TMEFF2: variants seen among roughly 807,000 people sequenced by gnomAD.
TMEFF2 encodes the protein tomoregulin-2.
Under a neutral mutation model 53.8 loss-of-function variants are expected in TMEFF2, and 28 were observed. That is an observed-to-expected ratio of 0.52 (90% CI 0.39 to 0.71). The LOEUF (loss-of-function observed/expected upper bound fraction) is 0.71. Ranked by LOEUF, TMEFF2 falls within the 30% of genes least tolerant of loss-of-function variation. The probability of loss-of-function intolerance (pLI) is 0.00; values close to 1 mark genes in which losing one functional copy is unlikely to be tolerated. For synonymous variants in TMEFF2, 162 were observed against 166.3 expected (o/e 0.97, Z 0.20); for missense variants, 353 against 455.2 (o/e 0.78, Z 2.04).
chr2:192,111,203 G>C (rs2356950), intron 4 of TMEFF2, among the ~76,000 whole-genome samples: 148,336 of 152,232 alleles, frequency 0.97, 72,346 homozygotes, highest in Non-Finnish European at 0.99. Flanking sequence ...AGGTTGGAAC[G>C]GTTTGGAGGG....
chr2:192,001,381 T>C (rs974503609), intron 5 of TMEFF2, among the ~76,000 whole-genome samples: 1 of 152,074 alleles, frequency 6.6e-6, no homozygotes, highest in African/African-American at 2.4e-5. Context: ...TATTTATGTT[T>C]TTGTAAATGT....
chr2:192,066,835 C>A (rs1378769439), intron 4 of TMEFF2, among the ~76,000 whole-genome samples: 1 of 151,780 alleles, frequency 6.6e-6, no homozygotes, highest in Non-Finnish European at 1.5e-5. Context: ...GAAAATATAT[C>A]ATATCAACTA....
intron 5 of TMEFF2, among the ~76,000 whole-genome samples, chr2:192,014,070 T>C (rs1686693879): frequency 6.6e-6 from 1 of 152,246 alleles, no homozygotes; most frequent in African/African-American, 2.4e-5. Flanking sequence ...TATTTGTTAA[T>C]TTTTGTTAAA....
chr2:191,964,370 TTCTCTTTCTTTCTTTCTTTCTTTCTTTC>T lies in TMEFF2; in HGVS notation c.746-8020_746-7993del, dbSNP rs1225946255. Among the ~76,000 whole-genome samples, 169 of 74,884 alleles carry T rather than the reference TTCTCTTTCTTTCTTTCTTTCTTTCTTTC, an allele frequency of 2.3e-3. 4 individuals are homozygous for T. Among genetic ancestry groups the T allele is most frequent in the East Asian group, 5.1e-3 (12 of 2,360 alleles). 49.1% of individuals were successfully genotyped at this position (74,884 alleles called of 152,430 possible). On this transcript the variant is annotated intron_variant, in intron 7 of 9. Coordinates refer to ENST00000272771, the MANE Select transcript of TMEFF2 (RefSeq NM_016192.4). ...TTTCTTTCTTTCTTTCTTTCTTTCT[TTCTCTTTCTTTCTTTCTTTCTTTCTTTC>T]TCTTTCTTTCTTTCTTTCTTTCTTT...
intron 5 of TMEFF2, among the ~76,000 whole-genome samples, chr2:192,012,182 C>CGTGA (rs1469034225): frequency 1.4e-4 from 22 of 152,324 alleles, no homozygotes; most frequent in Middle Eastern, 3.4e-3. Context: ...GGATTACAGG[C>CGTGA]GTGAGCCACT....
intron 4 of TMEFF2, among the ~76,000 whole-genome samples, chr2:192,126,865 A>C (rs761784279): frequency 2.0e-5 from 3 of 146,894 alleles, no homozygotes; most frequent in East Asian, 2.1e-4. Context: ...AACAAACAAA[A>C]GCTTGTTTTG....
chr2:192,179,699 G>T lies in TMEFF2; in HGVS notation c.413-5C>A, dbSNP rs1343117235. The T allele has an allele frequency of 1.3e-5, 19 of 1,512,852 alleles. No individual in the cohort carries two copies. The highest frequency in any genetic ancestry group is 2.6e-5 in the Admixed American group (1 of 39,190). The allele number at this position is 1,512,852 out of a possible 1,614,324, so 93.7% of individuals were successfully genotyped here. A position where few individuals can be genotyped will look rare whatever the true frequency, so the allele number is the denominator to read the frequency against. ...CTCCAGATCCTGATCCTGCATCTGT[G>T]GGGGGAAAAGTTATATTTGCTAGTA... On this transcript the variant is annotated splice_region_variant and splice_polypyrimidine_tract_variant and intron_variant, in intron 3 of 9. Coordinates refer to ENST00000272771, the MANE Select transcript of TMEFF2 (RefSeq NM_016192.4).
At chr2:192,042,730 T>A (rs1687515689) in intron 5 of TMEFF2, among the ~76,000 whole-genome samples, 1 of 152,158 alleles carries the variant, frequency 6.6e-6, no homozygotes, top group Non-Finnish European at 1.5e-5. Flanking sequence ...GACTGAAACA[T>A]GGAGCAAAAG....
chr2:192,017,583 C>T (rs1400316793), intron 5 of TMEFF2, among the ~76,000 whole-genome samples: 2 of 152,076 alleles, frequency 1.3e-5, no homozygotes, highest in East Asian at 3.8e-4. Context: ...TTTCCTTGTA[C>T]CTCTCTTTCC....
chr2:192,059,110 T>C (rs1687984552), intron 4 of TMEFF2, among the ~76,000 whole-genome samples: 1 of 152,148 alleles, frequency 6.6e-6, no homozygotes, highest in Non-Finnish European at 1.5e-5. Flanking sequence ...TTATCTGTTT[T>C]ATAACTCTTC....
rs149144262 is a variant in TMEFF2 at position 192,012,012 on chromosome 2, G to C, written c.537-12804C>G. The stretch of plus-strand genomic sequence containing the variant: ...CGCCATTCTCCTGCCTCAGCCTCTC[G>C]AGTAGCTGGGACTATAGGCGCCCAC... On this transcript the variant is annotated intron_variant, in intron 5 of 9. Coordinates refer to ENST00000272771, the MANE Select transcript of TMEFF2 (RefSeq NM_016192.4). Among the ~76,000 whole-genome samples, 1,426 of 151,960 alleles carry C rather than the reference G, an allele frequency of 9.4e-3. 26 individuals are homozygous for C. Among genetic ancestry groups the C allele is most frequent in the African/African-American group, 0.033 (1,367 of 41,432 alleles).
intron 4 of TMEFF2, among the ~76,000 whole-genome samples, chr2:192,135,824 T>G (rs1689990884): frequency 6.6e-6 from 1 of 151,812 alleles, no homozygotes; most frequent in Admixed American, 6.6e-5. Context: ...CACTGTGATT[T>G]GTTCCTGCCC....
At chr2:191,954,143 T>C (rs1010920395) in intron 8 of TMEFF2, among the ~76,000 whole-genome samples, 3 of 152,110 alleles carry the variant, frequency 2.0e-5, no homozygotes, top group Non-Finnish European at 4.4e-5. Flanking sequence ...CACCTCAGCC[T>C]CCCAAAGTGC....
In TMEFF2 at chr2:191,950,233, GTCTTATTCTT is replaced by G; in HGVS notation, c.*68_*77del. On this transcript the variant is annotated 3_prime_UTR_variant, in exon 10 of 10. Coordinates refer to ENST00000272771, the MANE Select transcript of TMEFF2 (RefSeq NM_016192.4). Reference sequence around the variant, plus strand: ...GCAAGGCAACATGTGTAGATCTCTTGTCTTATTCTTTTGTCTATAATACTGTATTGTGTAG... The same window carrying G: ...GCAAGGCAACATGTGTAGATCTCTTGTTGTCTATAATACTGTATTGTGTAG... The G allele has an allele frequency of 1.4e-6, 2 of 1,408,630 alleles. No individual in the cohort carries two copies. The highest frequency in any genetic ancestry group is 1.9e-6 in the Non-Finnish European group (2 of 1,073,226). The allele number at this position is 1,408,630 out of a possible 1,614,324, so 87.3% of individuals were successfully genotyped here.
intron 1 of TMEFF2, among the ~76,000 whole-genome samples, chr2:192,193,798 A>AGAGAGAGAGAGAGAGAGG (rs1559167269): frequency 4.3e-5 from 6 of 139,824 alleles, no homozygotes; most frequent in African/African-American, 1.7e-4. Flanking sequence ...AGAGAGAGAG[A>AGAGAGAGAGAGAGAGAGG]GAGAGAGAGA....
At chr2:192,063,232 T>C (rs1688091242) in intron 4 of TMEFF2, among the ~76,000 whole-genome samples, 1 of 151,934 alleles carries the variant, frequency 6.6e-6, no homozygotes, top group Non-Finnish European at 1.5e-5. Flanking sequence ...CAAATATTGA[T>C]ATGTTGTGTT....
At chr2:192,008,564 C>T (rs1048933990) in intron 5 of TMEFF2, among the ~76,000 whole-genome samples, 1 of 152,198 alleles carries the variant, frequency 6.6e-6, no homozygotes, top group African/African-American at 2.4e-5. Flanking sequence ...AGGGTAACTT[C>T]ATGATCACAG....
intron 4 of TMEFF2, 141 bp from the exon 5 acceptor site, chr2:192,057,916 C>T (rs1366672408): frequency 2.4e-5 from 16 of 654,866 alleles, no homozygotes; most frequent in Non-Finnish European, 4.0e-5. Flanking sequence ...TCAAAAGCAA[C>T]TCTTTTTTTT....
intron 4 of TMEFF2, among the ~76,000 whole-genome samples, chr2:192,155,100 T>A (rs887643194): frequency 6.6e-6 from 1 of 152,002 alleles, no homozygotes; most frequent in Non-Finnish European, 1.5e-5. Context: ...TAGGTTTTGG[T>A]GTTGTACTAT....
Sources: allele counts gnomAD v4.1 joint callset (sites outside exome capture counted in the v4.1 genomes callset), GRCh38; gene constraint gnomAD v4.1.1; transcripts MANE v1.5; gene names NCBI Gene and HGNC (gene_info 2026-07-23, HGNC 2026-07-21).